Variants in ADAM23 observed in about 807,000 individuals in gnomAD.
ADAM23 encodes the protein ADAM metallopeptidase domain 23.
In ADAM23, 33 loss-of-function variants were observed where a neutral mutation model predicts 120.1. The ratio of observed to expected loss-of-function variants is 0.27; its 90% CI spans 0.21 to 0.37. ADAM23 has a LOEUF of 0.37. Ranked by LOEUF, ADAM23 falls within the 10% of genes least tolerant of loss-of-function variation. The pLI, the probability that ADAM23 is intolerant of heterozygous loss-of-function variation, is 1.00. For synonymous variants in ADAM23, 367 were observed against 375.2 expected (o/e 0.98, Z 0.25); for missense variants, 862 against 1,058.2 (o/e 0.81, Z 2.57).
chr2:206,598,754 G>C (rs753085450), intron 24 of ADAM23, among the ~76,000 whole-genome samples: 4 of 151,506 alleles, frequency 2.6e-5, no homozygotes, highest in Non-Finnish European at 4.4e-5. Flanking sequence ...ACAAAAATTA[G>C]CCAGACACGA....
At chr2:206,483,414 G>A (rs1031472568) in intron 3 of ADAM23, among the ~76,000 whole-genome samples, 1 of 152,096 alleles carries the variant, frequency 6.6e-6, no homozygotes, top group Non-Finnish European at 1.5e-5. Flanking sequence ...ATAACCTCAG[G>A]GGAGAGATGG....
chr2:206,617,850 G>T lies in ADAM23; in HGVS notation c.*223G>T. ...CACCTGTCAGTAAACGGGGGAGGGG[G>T]CAAAAGACCATGCTATAAAAAGAAC... On this transcript the variant is annotated 3_prime_UTR_variant, in exon 26 of 26. Coordinates refer to ENST00000264377, the MANE Select transcript of ADAM23 (RefSeq NM_003812.4). The T allele has an allele frequency of 1.1e-6, 1 of 870,394 alleles. No homozygotes were observed. The highest frequency in any genetic ancestry group is 1.6e-6 in the Non-Finnish European group (1 of 635,316). 53.9% of individuals were successfully genotyped at this position (870,394 alleles called of 1,614,324 possible). A position where few individuals can be genotyped will look rare whatever the true frequency, so the allele number is the denominator to read the frequency against.
intron 3 of ADAM23, among the ~76,000 whole-genome samples, chr2:206,503,899 C>T (rs1281323445): frequency 1.3e-5 from 2 of 152,112 alleles, no homozygotes; most frequent in Non-Finnish European, 2.9e-5. Flanking sequence ...GTCTGTGCTG[C>T]AACTACGTAA....
chr2:206,536,038 C>G (rs137943567), intron 4 of ADAM23, among the ~76,000 whole-genome samples: 8 of 152,298 alleles, frequency 5.3e-5, no homozygotes, highest in Non-Finnish European at 1.2e-4. Flanking sequence ...TTTACCCACC[C>G]TCTTCATCAA....
chr2:206,520,233 A>G (rs975634599), intron 3 of ADAM23, among the ~76,000 whole-genome samples: 1 of 152,176 alleles, frequency 6.6e-6, no homozygotes, highest in Non-Finnish European at 1.5e-5. Flanking sequence ...GTCTCAGTTC[A>G]GCCAGTAGAT....
intron 25 of ADAM23, among the ~76,000 whole-genome samples, chr2:206,616,448 C>T (rs1200536615): frequency 6.6e-6 from 1 of 152,194 alleles, no homozygotes; most frequent in Non-Finnish European, 1.5e-5. Context: ...AAAGAAAAGA[C>T]AAGTTTTCTT....
At chr2:206,592,494 A>G in intron 21 of ADAM23, 123 bp from the exon 22 acceptor site, 1 of 1,248,024 alleles carries the variant, frequency 8.0e-7, no homozygotes, top group East Asian at 2.4e-5. Flanking sequence ...ATATGATCAA[A>G]TGTTTTTGTT....
intron 24 of ADAM23, among the ~76,000 whole-genome samples, chr2:206,601,146 A>G (rs1210537683): frequency 3.9e-5 from 6 of 152,346 alleles, no homozygotes; most frequent in Admixed American, 2.6e-4. Context: ...GGTGCTTACT[A>G]TAGAATACAG....
At chr2:206,587,866 A>G (rs1698354539) in intron 19 of ADAM23, among the ~76,000 whole-genome samples, 1 of 152,228 alleles carries the variant, frequency 6.6e-6, no homozygotes, top group South Asian at 2.1e-4. Flanking sequence ...CAAATTGTAG[A>G]TGTTTAGTTT....
chr2:206,517,826 A>G (rs1696766024), intron 3 of ADAM23, among the ~76,000 whole-genome samples: 4 of 152,202 alleles, frequency 2.6e-5, no homozygotes, highest in South Asian at 2.1e-4. Flanking sequence ...ATTCGCCATA[A>G]TGGACCATAT....
At chr2:206,477,849 A>G (rs375580892) in intron 2 of ADAM23, among the ~76,000 whole-genome samples, 1 of 143,994 alleles carries the variant, frequency 6.9e-6, no homozygotes, top group East Asian at 2.0e-4. Flanking sequence ...TAACTTTTCT[A>G]CCATTTGGAA....
chr2:206,617,708 TA>T lies in ADAM23; in HGVS notation c.*83del. The T allele has an allele frequency of 6.3e-7, 1 of 1,580,562 alleles. No individual in the cohort carries two copies. Among genetic ancestry groups the T allele is most frequent in the Non-Finnish European group, 8.6e-7 (1 of 1,163,310 alleles). Reference sequence around the variant, plus strand: ...CTCGCAGCAGTGTTACTGGAACTATTAAGTTTGTAAACAAAACCTTTGGGTG... The same window carrying T: ...CTCGCAGCAGTGTTACTGGAACTATTAGTTTGTAAACAAAACCTTTGGGTG... On this transcript the variant is annotated 3_prime_UTR_variant, in exon 26 of 26. Transcript: ENST00000264377.
chr2:206,568,888 G>C (rs538776478), intron 15 of ADAM23, among the ~76,000 whole-genome samples: 1 of 152,106 alleles, frequency 6.6e-6, no homozygotes, highest in East Asian at 1.9e-4. Flanking sequence ...GTGACACTAC[G>C]TAGTCAGGAG....
intron 2 of ADAM23, among the ~76,000 whole-genome samples, chr2:206,475,937 G>GTT (rs1315224541): frequency 6.6e-6 from 1 of 152,084 alleles, no homozygotes; most frequent in African/African-American, 2.4e-5. Context: ...AAAGGTTATG[G>GTT]TTACACACAC....
intron 19 of ADAM23, among the ~76,000 whole-genome samples, 181 bp from the exon 20 acceptor site, chr2:206,587,910 G>GA (rs1698355125): frequency 2.0e-5 from 3 of 152,306 alleles, no homozygotes; most frequent in African/African-American, 7.2e-5. Context: ...GTTCTGTTTA[G>GA]AGTTTTAAAG....
Position 206,580,901 on chromosome 2 carries a change from T to C in ADAM23, c.1738-6424T>C, listed in dbSNP as rs543879632. Among the ~76,000 whole-genome samples, 22 of 152,336 alleles carry C rather than the reference T, an allele frequency of 1.4e-4. No individual in the cohort carries two copies. The South Asian group carries it at 4.6e-3, about 32-fold the overall frequency. ...TCATTTCAATCTCACTGCTTGTTAT[T>C]GGTCTATTCAGGGTATCTAATTCTT... On this transcript the variant is annotated intron_variant, in intron 18 of 25. Coordinates refer to ENST00000264377, the MANE Select transcript of ADAM23 (RefSeq NM_003812.4).
At position 206,589,690 on chromosome 2, in the gene ADAM23, A is replaced by G. The variant is rs143940227; in HGVS notation, c.1958+176A>G. Reference sequence around the variant, plus strand: ...ATCTAGAGGCAAATGGCTATAGATTAAACTGTTACTATGCTACAGATTCAT... The same window carrying G: ...ATCTAGAGGCAAATGGCTATAGATTGAACTGTTACTATGCTACAGATTCAT... On this transcript the variant is annotated intron_variant, in intron 21 of 25. Coordinates refer to ENST00000264377, the MANE Select transcript of ADAM23 (RefSeq NM_003812.4). Among the ~76,000 whole-genome samples, 464 of 152,356 alleles carry G rather than the reference A, an allele frequency of 3.0e-3. 2 individuals are homozygous for G. The highest frequency in any genetic ancestry group is 0.011 in the African/African-American group (449 of 41,584).
chr2:206,514,387 T>C (rs943350839), intron 3 of ADAM23, among the ~76,000 whole-genome samples: 3 of 152,092 alleles, frequency 2.0e-5, no homozygotes, highest in African/African-American at 7.2e-5. Context: ...AAGAGTTCAG[T>C]GGAGGAAGTC....
chr2:206,515,496 A>C (rs1353356495), intron 3 of ADAM23, among the ~76,000 whole-genome samples: 1 of 152,118 alleles, frequency 6.6e-6, no homozygotes. Context: ...ATAGAAAAAA[A>C]CAGTGTGGGG....
Sources: gnomAD v4.1 joint callset for allele counts (sites outside exome capture counted in the v4.1 genomes callset) on GRCh38, gnomAD v4.1.1 for gene constraint, MANE v1.5 for transcripts, NCBI Gene and HGNC (gene_info 2026-07-23, HGNC 2026-07-21) for gene names.